MTMR9: variants seen among roughly 807,000 people sequenced by gnomAD.
The protein encoded by MTMR9 is myotubularin-related protein 9.
MTMR9 carries 39 observed loss-of-function variants against 69.5 expected under a neutral mutation model. The observed-to-expected ratio is 0.56, with a 90% CI of 0.43 to 0.73. The LOEUF (loss-of-function observed/expected upper bound fraction) is 0.73. Ranked by LOEUF, MTMR9 falls within the 30% of genes least tolerant of loss-of-function variation. The pLI is 0.00. For synonymous variants in MTMR9, 354 were observed against 240.8 expected, an observed-to-expected ratio of 1.47 and a Z score of -4.35; for missense variants, 900 against 671.2, an observed-to-expected ratio of 1.34 and a Z score of -3.77.
At chr8:11,328,440 A>G (rs143049208), downstream of MTMR9, among the ~76,000 whole-genome samples, 91 of 152,150 alleles carry the variant, frequency 6.0e-4, 1 homozygote, top group African/African-American at 2.1e-3. Flanking sequence ...TCTTCTAAAT[A>G]CTTCACAGGA....
At chr8:11,292,614 A>G (rs1186280661) in intron 1 of MTMR9, among the ~76,000 whole-genome samples, 1 of 152,190 alleles carries the variant, frequency 6.6e-6, no homozygotes, top group Non-Finnish European at 1.5e-5. Flanking sequence ...ATCTTTTCAT[A>G]TGCTTATTTG....
At chr8:11,301,654 A>G (rs1217458568) in intron 3 of MTMR9, among the ~76,000 whole-genome samples, 1 of 152,210 alleles carries the variant, frequency 6.6e-6, no homozygotes, top group Non-Finnish European at 1.5e-5. Context: ...ATTTCCTAGT[A>G]TTGGGTGTTA....
At chr8:11,314,459 G>A in intron 6 of MTMR9, among the ~76,000 whole-genome samples, 1 of 152,118 alleles carries the variant, frequency 6.6e-6, no homozygotes, top group East Asian at 1.9e-4. Flanking sequence ...GTTTATGAAG[G>A]TGTCCTTATA....
intron 6 of MTMR9, among the ~76,000 whole-genome samples, chr8:11,310,322 A>G (rs1403222471): frequency 6.6e-6 from 1 of 152,244 alleles, no homozygotes; most frequent in Non-Finnish European, 1.5e-5. Context: ...AAATTCTTGC[A>G]GAAGCTTAGA....
At chr8:11,335,567 T>C in the MTMR9 span, among the ~76,000 whole-genome samples, 2 of 152,200 alleles carry the variant, frequency 1.3e-5, no homozygotes, top group Non-Finnish European at 2.9e-5. Context: ...TTCTGAAGTT[T>C]ATGAAAAGCA....
At chr8:11,287,833 C>CTTTT (rs1799225640) in intron 1 of MTMR9, among the ~76,000 whole-genome samples, 1 of 116,116 alleles carries the variant, frequency 8.6e-6, no homozygotes, top group East Asian at 2.3e-4. Flanking sequence ...TAATATATAA[C>CTTTT]ATTATATATT....
rs1434864868 is a variant in MTMR9 at position 11,326,190 on chromosome 8, C to G, written c.*3402C>G. On this transcript the variant is annotated 3_prime_UTR_variant, in exon 10 of 10. Transcript: ENST00000221086. ...GAAAGATCTGCTTCAAGGCATAACT[C>G]GTGTAGTTGTCTGGTTTCAGGGATA... The G allele has an allele frequency of 6.6e-6, 1 of 152,166 alleles. No individual in the cohort carries two copies. Among genetic ancestry groups the G allele is most frequent in the Non-Finnish European group, 1.5e-5 (1 of 68,038 alleles). The allele number at this position is 152,166 out of a possible 1,614,324, so 9.4% of individuals were successfully genotyped here. A position where few individuals can be genotyped will look rare whatever the true frequency, so the allele number is the denominator to read the frequency against.
intron 7 of MTMR9, among the ~76,000 whole-genome samples, chr8:11,315,421 C>A (rs1051839821): frequency 6.6e-6 from 1 of 152,142 alleles, no homozygotes; most frequent in Non-Finnish European, 1.5e-5. Context: ...AAGGAAAGCG[C>A]TTTAACCCTT....
At chr8:11,310,589 C>T (rs998070560) in intron 6 of MTMR9, among the ~76,000 whole-genome samples, 3 of 152,148 alleles carry the variant, frequency 2.0e-5, no homozygotes, top group African/African-American at 7.2e-5. Flanking sequence ...TATCCCTGTT[C>T]TTTCTGTTTT....
At chr8:11,334,818 T>C in the MTMR9 span, among the ~76,000 whole-genome samples, 1 of 152,112 alleles carries the variant, frequency 6.6e-6, no homozygotes, top group Non-Finnish European at 1.5e-5. Flanking sequence ...ATCCATAACA[T>C]CAACAGACTA....
Position 11,288,224 on chromosome 8 carries a change from TTATAA to T in MTMR9, c.182+3159_182+3163del, listed in dbSNP as rs1188646076. 2.1e-3 allele frequency among the ~76,000 whole-genome samples: 280 copies of T among 136,044 alleles called. 1 individual carries two copies. The highest frequency in any genetic ancestry group is 6.8e-3 in the African/African-American group (247 of 36,322). The allele number at this position is 136,044 out of a possible 152,430, so 89.3% of individuals were successfully genotyped here. On this transcript the variant is annotated intron_variant, in intron 1 of 9. Coordinates refer to ENST00000221086, the MANE Select transcript of MTMR9 (RefSeq NM_015458.4). ...ATTATTATATATAATATATTAATAA[TTATAA>T]TATATAATAATAATAATTATATTAT...
At chr8:11,306,790 C>A (rs1428459390) in intron 5 of MTMR9, among the ~76,000 whole-genome samples, 1 of 152,268 alleles carries the variant, frequency 6.6e-6, no homozygotes, top group East Asian at 1.9e-4. Context: ...AATAGACCTA[C>A]AGAACTAATT....
downstream of MTMR9, chr8:11,331,688 G>A (rs748705503): frequency 5.6e-6 from 9 of 1,612,052 alleles, no homozygotes; most frequent in South Asian, 9.9e-5. Flanking sequence ...TGGGCTATGT[G>A]CAGGCTTTCC....
intron 3 of MTMR9, among the ~76,000 whole-genome samples, chr8:11,303,245 C>T (rs539450922): frequency 2.7e-5 from 4 of 149,828 alleles, no homozygotes; most frequent in Admixed American, 6.7e-5. Flanking sequence ...ACAAGTGCGA[C>T]GGGATGGAGA....
rs61227530 is a variant in MTMR9 at position 11,294,500 on chromosome 8, C to CTTTTTTTTTTTTTTT, written c.183-690_183-676dup. Among the ~76,000 whole-genome samples, 40 of 105,802 alleles carry CTTTTTTTTTTTTTTT rather than the reference C, an allele frequency of 3.8e-4. 8 individuals carry two copies. The highest frequency in any genetic ancestry group is 9.4e-4 in the African/African-American group (21 of 22,446). The allele number at this position is 105,802 out of a possible 152,430, so 69.4% of individuals were successfully genotyped here. A position where few individuals can be genotyped will look rare whatever the true frequency, so the allele number is the denominator to read the frequency against. ...TGTTAGATTTTGTCAAATACTTTCACTTTTTTTTTTTTTTTTTTGAGACAG... is the reference window on the plus strand; with the variant it reads ...TGTTAGATTTTGTCAAATACTTTCACTTTTTTTTTTTTTTTTTTTTTTTTTTTTTTTTTGAGACAG... On this transcript the variant is annotated intron_variant, in intron 1 of 9. Transcript: ENST00000221086.
rs561440352 is a variant in MTMR9, at chr8:11,325,805, G to T, written c.*3017G>T. The T allele has an allele frequency of 6.6e-6, 1 of 152,100 alleles. No homozygotes were observed. Among genetic ancestry groups the T allele is most frequent in the Admixed American group, 6.5e-5 (1 of 15,278 alleles). 9.4% of individuals were successfully genotyped at this position (152,100 alleles called of 1,614,324 possible). On this transcript the variant is annotated 3_prime_UTR_variant, in exon 10 of 10. Coordinates refer to ENST00000221086, the MANE Select transcript of MTMR9 (RefSeq NM_015458.4). ...TTATTAAATGGGAAGAAAGCAAGCA[G>T]AAATAGTAAAATTCAGTAGGTTTAA... is the stretch of plus-strand genomic sequence containing the variant.
In MTMR9 at chr8:11,284,873, C is replaced by G. The variant is rs1799084212; in HGVS notation, c.-16C>G. 3 of 1,522,154 alleles carry G rather than the reference C, an allele frequency of 2.0e-6. No individual in the cohort carries two copies. The highest frequency in any genetic ancestry group is 1.9e-5 in the Admixed American group (1 of 52,188). 94.3% of individuals were successfully genotyped at this position (1,522,154 alleles called of 1,614,324 possible). A position where few individuals can be genotyped will look rare whatever the true frequency, so the allele number is the denominator to read the frequency against. The stretch of plus-strand genomic sequence containing the variant: ...ACCTACCGGGCTCGGTTCCCTGGCT[C>G]CGGCCGCGGGGGAGCATGGAGTTTG... On this transcript the variant is annotated 5_prime_UTR_variant, in exon 1 of 10. Coordinates refer to ENST00000221086, the MANE Select transcript of MTMR9 (RefSeq NM_015458.4).
In MTMR9 at chr8:11,323,007, C is replaced by T. The variant is rs1259478162; in HGVS notation, c.*219C>T. ...TGTTAGGGCCTGTCACTTTGGGAGC[C>T]GGAAGGAGGTGCTAGTCATTTTATT... is the stretch of plus-strand genomic sequence containing the variant. On this transcript the variant is annotated 3_prime_UTR_variant, in exon 10 of 10. Coordinates refer to ENST00000221086, the MANE Select transcript of MTMR9 (RefSeq NM_015458.4). 1.7e-5 allele frequency: 6 copies of T among 353,758 alleles called. No homozygotes were observed. The highest frequency in any genetic ancestry group is 9.8e-5 in the South Asian group (1 of 10,254). 21.9% of individuals were successfully genotyped at this position (353,758 alleles called of 1,614,324 possible).
chr8:11,295,101 T>A, intron 1 of MTMR9, 93 bp from the exon 2 acceptor site: 1 of 667,146 alleles, frequency 1.5e-6, no homozygotes, highest in Non-Finnish European at 2.5e-6. Context: ...ATATAGATGG[T>A]AACTACAACT....
Sources: gnomAD v4.1 joint callset for allele counts (sites outside exome capture counted in the v4.1 genomes callset) on GRCh38, gnomAD v4.1.1 for gene constraint, MANE v1.5 for transcripts, NCBI Gene and HGNC (gene_info 2026-07-23, HGNC 2026-07-21) for gene names.